The following ANXA4 variants were observed in gnomAD, a reference collection of about 807,000 sequenced individuals.
ANXA4 encodes the protein 35-beta calcimedin.
In ANXA4, 39 loss-of-function variants were observed where a neutral mutation model predicts 49.8. The observed-to-expected ratio is 0.78, with a 90% CI of 0.61 to 1.02. ANXA4 has a LOEUF of 1.02. Ranked by LOEUF, ANXA4 falls within the 50% of genes least tolerant of loss-of-function variation. The pLI is 0.00. For missense variants in ANXA4, 360 were observed against 410.1 expected (o/e 0.88, Z 1.05); for synonymous variants, 134 against 152.5 (o/e 0.88, Z 0.89).
At chr2:69,756,934 AT>A (rs201747072) in intron 1 of ANXA4, among the ~76,000 whole-genome samples, 48 of 135,348 alleles carry the variant, frequency 3.5e-4, no homozygotes, top group African/African-American at 8.8e-4. Context: ...ATTAATTATT[AT>A]TTTTTTTTTT....
intron 4 of ANXA4, among the ~76,000 whole-genome samples, chr2:69,804,902 G>T (rs1673374515): frequency 6.6e-6 from 1 of 151,828 alleles, no homozygotes; most frequent in Non-Finnish European, 1.5e-5. Context: ...ACAAAAATTA[G>T]CCGGGCATGG....
intron 1 of ANXA4, among the ~76,000 whole-genome samples, chr2:69,762,995 T>C (rs1026125518): frequency 2.8e-4 from 42 of 152,246 alleles, no homozygotes; most frequent in Admixed American, 8.5e-4. Flanking sequence ...TTCCATTGTG[T>C]CATGAGTTTC....
At chr2:69,807,683 G>A (rs557606979) in intron 5 of ANXA4, among the ~76,000 whole-genome samples, 10 of 152,268 alleles carry the variant, frequency 6.6e-5, no homozygotes, top group Admixed American at 3.9e-4. Context: ...GCACAGTAAC[G>A]AACACATAAT....
intron 9 of ANXA4, chr2:69,816,663 A>G (rs1674007090): frequency 6.6e-6 from 1 of 152,542 alleles, no homozygotes; most frequent in Admixed American, 6.5e-5. Context: ...TTCAAATTTG[A>G]TATGTTTCTA....
chr2:69,815,856 C>G (rs756983011), intron 8 of ANXA4: 212 of 481,042 alleles, frequency 4.4e-4, no homozygotes, highest in Middle Eastern at 1.6e-3. Flanking sequence ...AAGATAGAAC[C>G]ATGTAGTCTC....
chr2:69,658,196 G>C (rs2105318675), intron 2 of ANXA4, among the ~76,000 whole-genome samples: 1 of 152,156 alleles, frequency 6.6e-6, no homozygotes, highest in South Asian at 2.1e-4. Flanking sequence ...CTGGGAGTTA[G>C]AGACCAGCCT....
intron 1 of ANXA4, among the ~76,000 whole-genome samples, chr2:69,777,036 T>C (rs1004296051): frequency 6.6e-6 from 1 of 152,190 alleles, no homozygotes; most frequent in African/African-American, 2.4e-5. Context: ...GTTTACTTAC[T>C]GGATTATCAG....
rs1250189897 is a variant in ANXA4, at chr2:69,818,727, T to C, written c.724+33T>C. 2.1e-6 allele frequency: 3 copies of C among 1,400,996 alleles called. No homozygotes were observed. In the East Asian group the frequency reaches 6.9e-5, roughly 32 times the overall value. 86.8% of individuals were successfully genotyped at this position (1,400,996 alleles called of 1,614,324 possible). On this transcript the variant is annotated intron_variant, in intron 10 of 12. Transcript: ENST00000394295. Reference sequence around the variant, plus strand: ...GGTAGGGGGAGTAGAGAAACAAATGTTTATAGATTTTCCTTCTCATTATCA... The same window carrying C: ...GGTAGGGGGAGTAGAGAAACAAATGCTTATAGATTTTCCTTCTCATTATCA...
Position 69,729,456 on chromosome 2 carries a change from G to A in ANXA4, n.864+8585G>A, listed in dbSNP as rs377135091. On this transcript the variant is annotated intron_variant and non_coding_transcript_variant, in intron 3 of 3. Transcript: ENST00000418066. ...TAACATAGAGCAGTGGTTCTCAATGGGAAGCTATTTTTGTCACCCAGGACA... is the reference window on the plus strand; with the variant it reads ...TAACATAGAGCAGTGGTTCTCAATGAGAAGCTATTTTTGTCACCCAGGACA... 2.2e-3 allele frequency among the ~76,000 whole-genome samples: 337 copies of A among 152,326 alleles called. 2 individuals are homozygous for A. Among genetic ancestry groups the A allele is most frequent in the African/African-American group, 8.1e-3 (335 of 41,572 alleles).
At chr2:69,775,691 T>C (rs899057259) in intron 1 of ANXA4, among the ~76,000 whole-genome samples, 2 of 152,218 alleles carry the variant, frequency 1.3e-5, no homozygotes, top group African/African-American at 4.8e-5. Flanking sequence ...CTAGCACTCA[T>C]GCTTCTTCAT....
chr2:69,683,633 A>G (rs1172153798), intron 2 of ANXA4, among the ~76,000 whole-genome samples: 1 of 151,966 alleles, frequency 6.6e-6, no homozygotes, highest in Non-Finnish European at 1.5e-5. Flanking sequence ...CCCAACTCAG[A>G]CTGTTTTTCA....
At chr2:69,677,168 CTTCTT>C (rs1347255861) in intron 2 of ANXA4, among the ~76,000 whole-genome samples, 1 of 151,810 alleles carries the variant, frequency 6.6e-6, no homozygotes, top group African/African-American at 2.4e-5. Context: ...AATTTTGTCT[CTTCTT>C]TTCTTTGCTT....
chr2:69,819,776 T>G (rs1016561243), intron 11 of ANXA4, among the ~76,000 whole-genome samples: 2 of 151,982 alleles, frequency 1.3e-5, no homozygotes, highest in African/African-American at 4.8e-5. Flanking sequence ...AAGGTCAAAA[T>G]GTAGTCTTTG....
intron 2 of ANXA4, among the ~76,000 whole-genome samples, chr2:69,655,650 C>T (rs1049482120): frequency 2.6e-5 from 4 of 152,094 alleles, no homozygotes; most frequent in African/African-American, 7.2e-5. Context: ...ACCAGAAATA[C>T]CATTTGACCC....
chr2:69,774,995 C>T (rs1043324178), intron 1 of ANXA4, among the ~76,000 whole-genome samples: 5 of 152,180 alleles, frequency 3.3e-5, no homozygotes, highest in African/African-American at 9.7e-5. Flanking sequence ...CTGCAGTGTT[C>T]GAAACCTAAG....
intron 2 of ANXA4, among the ~76,000 whole-genome samples, chr2:69,656,188 CGTATAT>C (rs1434609174): frequency 8.9e-6 from 1 of 111,904 alleles, no homozygotes; most frequent in African/African-American, 3.8e-5. Context: ...AATATATATA[CGTATAT>C]ATATATATAT....
chr2:69,646,844 C>T lies in ANXA4; in HGVS notation n.481+1939C>T, dbSNP rs142780599. On this transcript the variant is annotated intron_variant and non_coding_transcript_variant, in intron 1 of 3. Coordinates refer to the ANXA4 transcript ENST00000418066. ...GCTGACTAACTGTATCCCCCCAACCCCTGTTCCACAAACCATAACTATTTC... is the reference window on the plus strand; with the variant it reads ...GCTGACTAACTGTATCCCCCCAACCTCTGTTCCACAAACCATAACTATTTC... 6.3e-3 allele frequency among the ~76,000 whole-genome samples: 960 copies of T among 152,272 alleles called. 22 individuals carry two copies. Among genetic ancestry groups the T allele is most frequent in the East Asian group, 0.011 (57 of 5,188 alleles).
At position 69,806,458 on chromosome 2, in the gene ANXA4, C is replaced by A. The variant is rs772478169; in HGVS notation, c.266C>A (p.Thr89Lys). The A allele has an allele frequency of 1.2e-6, 2 of 1,614,038 alleles. No individual in the cohort carries two copies. Among genetic ancestry groups the A allele is most frequent in the Non-Finnish European group, 8.5e-7 (1 of 1,179,960 alleles). The change falls in exon 5 of 13, where the codon ACG (threonine) becomes AAG (lysine). Residue 89 changes from threonine (T) to lysine (K), a missense_variant. By Grantham distance (78) the Thr-to-Lys change is moderately conservative (BLOSUM62 -1). Transcript: ENST00000394295. ...GTGATTGTGGGGATGATGACGCCCA[C>A]GGTGCTGTATGACGTGCAAGAGCTG... Reference protein sequence around the residue: ...EQVIVGMMTPTVLYDVQELRR... With the variant: ...EQVIVGMMTPKVLYDVQELRR...
intron 1 of ANXA4, among the ~76,000 whole-genome samples, chr2:69,745,704 T>C (rs1250938773): frequency 6.6e-6 from 1 of 151,788 alleles, no homozygotes; most frequent in African/African-American, 2.4e-5. Context: ...CTAATTTTTG[T>C]ATTTTTAGTA....
Sources: gnomAD v4.1 joint callset for allele counts (sites outside exome capture counted in the v4.1 genomes callset) on GRCh38, gnomAD v4.1.1 for gene constraint, MANE v1.5 for transcripts, NCBI Gene and HGNC (gene_info 2026-07-23, HGNC 2026-07-21) for gene names.